ARAP2: variants seen among roughly 807,000 people sequenced by gnomAD.
ARAP2 encodes ArfGAP with RhoGAP domain, ankyrin repeat and PH domain 2, also known as arf-GAP with Rho-GAP domain, ANK repeat and PH domain-containing protein 2.
Under a neutral mutation model 194.5 loss-of-function variants are expected in ARAP2, and 148 were observed. The ratio of observed to expected loss-of-function variants is 0.76; its 90% CI spans 0.67 to 0.87. ARAP2 has a LOEUF of 0.87. ARAP2 is among the 40% of genes least tolerant of loss of function. The probability of loss-of-function intolerance (pLI) is 0.00; values close to 1 mark genes in which losing one functional copy is unlikely to be tolerated. For missense variants in ARAP2, 2,128 were observed against 1,989.7 expected, an observed-to-expected ratio of 1.07 and a Z score of -1.32; for synonymous variants, 695 against 683.5, an observed-to-expected ratio of 1.02 and a Z score of -0.26.
chr4:36,092,851 C>G (rs1714096286), intron 27 of ARAP2, among the ~76,000 whole-genome samples: 1 of 152,020 alleles, frequency 6.6e-6, no homozygotes. Flanking sequence ...AAGGAAACAC[C>G]TTTAAGAATT....
chr4:36,189,256 AT>A (rs1476086971), intron 7 of ARAP2, among the ~76,000 whole-genome samples: 1 of 151,956 alleles, frequency 6.6e-6, no homozygotes, highest in East Asian at 1.9e-4. Context: ...TTTTTTTTTA[AT>A]TTTCTAAATT....
intron 6 of ARAP2, among the ~76,000 whole-genome samples, chr4:36,208,456 A>G (rs1746040871): frequency 6.6e-6 from 1 of 152,198 alleles, no homozygotes; most frequent in African/African-American, 2.4e-5. Context: ...TTGACCCTTT[A>G]CAGAAAAAGT....
At position 36,240,402 on chromosome 4, in the gene ARAP2, C is replaced by A. The variant is rs111779446; in HGVS notation, c.-160+3777G>T. Among the ~76,000 whole-genome samples, 860 of 152,252 alleles carry A rather than the reference C, an allele frequency of 5.6e-3. 9 individuals carry two copies. The highest frequency in any genetic ancestry group is 0.019 in the African/African-American group (794 of 41,542). On this transcript the variant is annotated intron_variant, in intron 1 of 32. Coordinates refer to ENST00000303965, the MANE Select transcript of ARAP2 (RefSeq NM_015230.4). ...TAACATAGTTTTATTAATGTAGTAACGTATACATGTAGTTAGAGTTGTAAG... is the reference window on the plus strand; with the variant it reads ...TAACATAGTTTTATTAATGTAGTAAAGTATACATGTAGTTAGAGTTGTAAG...
chr4:36,045,605 G>A (rs920276599), intron 5 of ARAP2, among the ~76,000 whole-genome samples: 2 of 152,096 alleles, frequency 1.3e-5, no homozygotes, highest in Non-Finnish European at 2.9e-5. Context: ...GGTAAGAAGA[G>A]TAAATTCTTC....
At position 36,058,428 on chromosome 4, in the gene ARAP2, A is replaced by G. The variant is rs75133439; in HGVS notation, n.148-285T>C. On this transcript the variant is annotated intron_variant and non_coding_transcript_variant, in intron 1 of 12. Coordinates refer to the ARAP2 transcript ENST00000503225. Reference sequence around the variant, plus strand: ...CTTAAAAAATCATCTCAACCTGAGCAAAGACTAGATTTTCAACTTTTTGTC... The same window carrying G: ...CTTAAAAAATCATCTCAACCTGAGCGAAGACTAGATTTTCAACTTTTTGTC... Among the ~76,000 whole-genome samples, 894 of 152,308 alleles carry G rather than the reference A, an allele frequency of 5.9e-3. 11 individuals carry two copies. The highest frequency in any genetic ancestry group is 6.0e-3 in the Non-Finnish European group (410 of 68,020).
At chr4:36,160,772 A>C in intron 12 of ARAP2, 131 bp from the exon 13 acceptor site, 1 of 749,684 alleles carries the variant, frequency 1.3e-6, no homozygotes, top group Non-Finnish European at 1.9e-6. Flanking sequence ...TGAAAGACTC[A>C]ACTATTCCAG....
At chr4:36,149,004 A>G (rs1312654323) in intron 16 of ARAP2, among the ~76,000 whole-genome samples, 1 of 152,126 alleles carries the variant, frequency 6.6e-6, no homozygotes, top group African/African-American at 2.4e-5. Context: ...CATCATCTCA[A>G]CTTACCCCAA....
intron 2 of ARAP2, among the ~76,000 whole-genome samples, chr4:36,216,523 A>AAATAGTCAC (rs1450353007): frequency 6.6e-6 from 1 of 152,232 alleles, no homozygotes; most frequent in African/African-American, 2.4e-5. Context: ...TTATAAAAAT[A>AAATAGTCAC]AATAGTCACC....
chr4:36,093,360 A>T (rs983058857), intron 27 of ARAP2, among the ~76,000 whole-genome samples: 5 of 152,000 alleles, frequency 3.3e-5, no homozygotes, highest in African/African-American at 7.2e-5. Context: ...CTTAAAAGTT[A>T]TTTTTTTTAA....
At chr4:36,114,039 T>C (rs1720698455) in intron 26 of ARAP2, 131 bp downstream of exon 26, 9 of 703,256 alleles carry the variant, frequency 1.3e-5, no homozygotes, top group African/African-American at 1.8e-5. Context: ...CAAACATATA[T>C]TAATACATGC....
intron 12 of ARAP2, 128 bp downstream of exon 12, chr4:36,161,337 A>C (rs1733900212): frequency 1.5e-6 from 1 of 660,396 alleles, no homozygotes; most frequent in Non-Finnish European, 2.7e-6. Flanking sequence ...CCACTTCCAT[A>C]ATGTGGTGAG....
chr4:36,086,857 C>T, intron 28 of ARAP2, among the ~76,000 whole-genome samples: 1 of 152,160 alleles, frequency 6.6e-6, no homozygotes, highest in East Asian at 1.9e-4. Context: ...GAAACCTCTC[C>T]CCTTTTATGT....
chr4:36,066,193 C>T lies in ARAP2; in HGVS notation c.*1714G>A, dbSNP rs2109291325. On this transcript the variant is annotated 3_prime_UTR_variant, in exon 33 of 33. Transcript: ENST00000303965. ...AAAACTCTAGATACTTTTCCACTGT[C>T]CAACATCACCAAATATTAATTTCCA... 1 of 152,178 alleles carries T rather than the reference C, an allele frequency of 6.6e-6. No individual in the cohort carries two copies. The highest frequency in any genetic ancestry group is 2.4e-5 in the African/African-American group (1 of 41,540). The allele number at this position is 152,178 out of a possible 1,614,324, so 9.4% of individuals were successfully genotyped here.
intron 27 of ARAP2, among the ~76,000 whole-genome samples, chr4:36,106,151 C>T (rs530579486): frequency 1.6e-4 from 22 of 140,658 alleles, no homozygotes; most frequent in Non-Finnish European, 2.2e-4. Flanking sequence ...GTCTTGTGGG[C>T]GGGGAGGGGA....
At chr4:36,144,447 T>C (rs957531668) in intron 19 of ARAP2, among the ~76,000 whole-genome samples, 26 of 151,886 alleles carry the variant, frequency 1.7e-4, no homozygotes, top group Admixed American at 1.3e-4. Context: ...GGACATAAAA[T>C]TAACAATACT....
intron 6 of ARAP2, among the ~76,000 whole-genome samples, chr4:36,200,092 T>C (rs768300989): frequency 4.9e-4 from 75 of 152,332 alleles, no homozygotes; most frequent in Middle Eastern, 3.4e-3. Flanking sequence ...CCTAAATTCA[T>C]ATAAACATTG....
chr4:36,045,276 C>G (rs1052690992), intron 5 of ARAP2, among the ~76,000 whole-genome samples: 10 of 152,018 alleles, frequency 6.6e-5, no homozygotes, highest in Non-Finnish European at 1.5e-4. Context: ...AGTAGCCAAG[C>G]TATAGAAACA....
intron 16 of ARAP2, 55 bp downstream of exon 16, chr4:36,150,845 G>T: frequency 6.4e-7 from 1 of 1,553,220 alleles, no homozygotes; most frequent in Non-Finnish European, 8.8e-7. Flanking sequence ...CTCATTACCT[G>T]TTATAATTAT....
intron 2 of ARAP2, among the ~76,000 whole-genome samples, chr4:36,223,679 ATAGAACTGG>A: frequency 6.6e-6 from 1 of 152,074 alleles, no homozygotes; most frequent in South Asian, 2.1e-4. Flanking sequence ...CCCTGTTCCA[ATAGAACTGG>A]TAGCCTTCTA....
Sources: allele counts gnomAD v4.1 joint callset (sites outside exome capture counted in the v4.1 genomes callset), GRCh38; gene constraint gnomAD v4.1.1; transcripts MANE v1.5; gene names NCBI Gene and HGNC (gene_info 2026-07-23, HGNC 2026-07-21).